Variants in CBL observed in about 807,000 individuals in gnomAD.
CBL encodes Cbl proto-oncogene.
In CBL, 45 loss-of-function variants were observed where a neutral mutation model predicts 96.9. That is an observed-to-expected ratio of 0.46 (90% confidence interval 0.37 to 0.60). CBL has a LOEUF of 0.60. Among genes scored for constraint, CBL ranks in the 20% least tolerant of loss-of-function variants. The probability of loss-of-function intolerance (pLI) is 0.00; values close to 1 mark genes in which losing one functional copy is unlikely to be tolerated. For synonymous variants in CBL, 420 were observed against 426.8 expected (o/e 0.98, Z 0.20); for missense variants, 1,024 against 1,143.5 (o/e 0.90, Z 1.51).
chr11:119,278,198 C>T lies in CBL; in HGVS notation c.1128C>T (p.Ser376=), dbSNP rs1949904381. ...EQYELYCEMG[S]TFQLCKICAE... The stretch of plus-strand genomic sequence containing the variant: ...ATGAATTATACTGTGAGATGGGCTC[C>T]ACATTCCAACTATGTAAAATATGTG... Residue 376 remains serine, a synonymous_variant, in exon 8 of 16, where the codon TCC becomes TCT. Transcript: ENST00000264033. 1.2e-6 allele frequency: 2 copies of T among 1,609,942 alleles called. No homozygotes were observed. Among genetic ancestry groups the T allele is most frequent in the African/African-American group, 2.7e-5 (2 of 74,766 alleles).
chr11:119,271,850 G>T lies in CBL; in HGVS notation c.559G>T (p.Ala187Ser). 9 of 1,614,072 alleles carry T rather than the reference G, an allele frequency of 5.6e-6. No homozygotes were observed. The highest frequency in any genetic ancestry group is 7.6e-6 in the Non-Finnish European group (9 of 1,179,966). The change falls in exon 3 of 16, where the codon GCG becomes TCG. Residue 187 changes from alanine (A) to serine (S), a missense_variant. Coordinates refer to ENST00000264033, the MANE Select transcript of CBL (RefSeq NM_005188.4). ...DTFRITKADA[A>S]EFWRKAFGEK... is the part of the protein sequence containing the mutation. ...ATTTCGGATTACTAAAGCAGATGCTGCGGAATTTTGGAGAAAAGCTTTTGG... is the reference window on the plus strand; with the variant it reads ...ATTTCGGATTACTAAAGCAGATGCTTCGGAATTTTGGAGAAAAGCTTTTGG...
rs1273169522 is a variant in CBL at position 119,306,158 on chromosome 11, G to A, written c.*6377G>A. On this transcript the variant is annotated 3_prime_UTR_variant, in exon 16 of 16. Transcript: ENST00000264033. The stretch of plus-strand genomic sequence containing the variant: ...AGCAAGCCCCGCATGTCCATGGCGA[G>A]TCAGGTGGGGAGCACGGGTGGAAGG... The A allele has an allele frequency of 7.5e-6, 3 of 397,708 alleles. No individual in the cohort carries two copies. Among genetic ancestry groups the A allele is most frequent in the African/African-American group, 4.1e-5 (2 of 48,644 alleles). 24.6% of individuals were successfully genotyped at this position (397,708 alleles called of 1,614,324 possible).
rs1950127465 is a variant in CBL at position 119,305,352 on chromosome 11, G to A, written c.*5571G>A. 1 of 231,802 alleles carries A rather than the reference G, an allele frequency of 4.3e-6. No homozygotes were observed. The highest frequency in any genetic ancestry group is 1.8e-4 in the South Asian group (1 of 5,522). The allele number at this position is 231,802 out of a possible 1,614,324, so 14.4% of individuals were successfully genotyped here. On this transcript the variant is annotated 3_prime_UTR_variant, in exon 16 of 16. Transcript: ENST00000264033. ...TTCCTTAGCCTCCATTCAGCCTCAG[G>A]TCTTTTGCCTTCTTCCGTGTTTATT... is the stretch of plus-strand genomic sequence containing the variant.
intron 12 of CBL, among the ~76,000 whole-genome samples, chr11:119,290,248 G>A (rs1344129488): frequency 6.6e-6 from 1 of 152,096 alleles, no homozygotes. Flanking sequence ...GTTTTGCCAT[G>A]TTGCCCAGGC....
chr11:119,247,942 A>G (rs747946727), intron 2 of CBL, among the ~76,000 whole-genome samples: 2 of 152,238 alleles, frequency 1.3e-5, no homozygotes, highest in African/African-American at 4.8e-5. Context: ...AGACTTGTAC[A>G]CTGGAAACTA....
intron 1 of CBL, among the ~76,000 whole-genome samples, chr11:119,225,049 G>GGTGTGTGT (rs143591231): frequency 6.7e-6 from 1 of 148,892 alleles, no homozygotes. Context: ...AACTCTTTGG[G>GGTGTGTGT]GTGTGTGTGT....
chr11:119,301,669 T>C lies in CBL; in HGVS notation c.*1888T>C, dbSNP rs1055737038. The C allele has an allele frequency of 6.0e-5, 14 of 233,134 alleles. No individual in the cohort carries two copies. The highest frequency in any genetic ancestry group is 8.5e-5 in the Non-Finnish European group (10 of 118,038). The allele number at this position is 233,134 out of a possible 1,614,324, so 14.4% of individuals were successfully genotyped here. The stretch of plus-strand genomic sequence containing the variant: ...AGAGTAGGCAGTACAGGATCTCGTG[T>C]TGATTTGCTGTGGTTACCCAGTGTC... On this transcript the variant is annotated 3_prime_UTR_variant, in exon 16 of 16. Coordinates refer to ENST00000264033, the MANE Select transcript of CBL (RefSeq NM_005188.4).
intron 2 of CBL, among the ~76,000 whole-genome samples, chr11:119,239,176 G>A (rs1384042600): frequency 6.6e-6 from 1 of 152,024 alleles, no homozygotes; most frequent in Non-Finnish European, 1.5e-5. Context: ...TCGTCGTGTT[G>A]CCCATGCCGG....
chr11:119,261,026 C>G (rs1316358497), intron 2 of CBL, among the ~76,000 whole-genome samples: 1 of 144,432 alleles, frequency 6.9e-6, no homozygotes, highest in Admixed American at 7.0e-5. Flanking sequence ...GATTCTGATG[C>G]CTCAGCTATC....
chr11:119,285,825 G>C (rs912840758), intron 11 of CBL, among the ~76,000 whole-genome samples: 11 of 152,036 alleles, frequency 7.2e-5, no homozygotes, highest in African/African-American at 2.7e-4. Flanking sequence ...GGGCCCAGGA[G>C]GCCAAGCTTT....
chr11:119,299,579 G>C lies in CBL; in HGVS notation c.2519G>C (p.Cys840Ser), dbSNP rs376536789. Residue 840 changes from cysteine (C) to serine (S), a missense_variant, in exon 16 of 16, where the codon TGT becomes TCT. By Grantham distance (112) the Cys-to-Ser change is moderately radical (BLOSUM62 -1). Around this residue, in one of 4 missense-constraint regions of CBL, gnomAD observed 695 missense variants for 661.6 expected, o/e 1.05. Transcript: ENST00000264033. ...RINSERKAGS[C>S]QQGSGPAASA... is the part of the protein sequence containing the mutation. ...AACTCTGAACGGAAAGCTGGCAGCT[G>C]TCAGCAAGGTAGTGGTCCTGCCGCC... 6.2e-7 allele frequency: 1 copy of C among 1,614,216 alleles called. No individual in the cohort carries two copies.
rs955219397 is a variant in CBL at position 119,301,093 on chromosome 11, T to C, written c.*1312T>C. The C allele has an allele frequency of 4.3e-6, 1 of 233,356 alleles. No homozygotes were observed. Among genetic ancestry groups the C allele is most frequent in the African/African-American group, 2.2e-5 (1 of 45,454 alleles). 14.5% of individuals were successfully genotyped at this position (233,356 alleles called of 1,614,324 possible). On this transcript the variant is annotated 3_prime_UTR_variant, in exon 16 of 16. Transcript: ENST00000264033. ...TCCCTGCATTGCTGCCTCCCGATGA[T>C]GTGGTTCTTTTCTTGTGCCTGTGGC...
At chr11:119,224,430 C>T (rs1271804316) in intron 1 of CBL, among the ~76,000 whole-genome samples, 1 of 152,078 alleles carries the variant, frequency 6.6e-6, no homozygotes, top group Non-Finnish European at 1.5e-5. Flanking sequence ...TCACACATAA[C>T]TTTTGACTCC....
intron 2 of CBL, among the ~76,000 whole-genome samples, chr11:119,237,073 C>T (rs897537984): frequency 6.6e-6 from 1 of 152,204 alleles, no homozygotes; most frequent in Non-Finnish European, 1.5e-5. Flanking sequence ...ACAGCATCTC[C>T]ATGCTGTATA....
intron 1 of CBL, among the ~76,000 whole-genome samples, chr11:119,231,468 T>C (rs768515828): frequency 5.3e-5 from 8 of 151,482 alleles, no homozygotes; most frequent in Non-Finnish European, 1.0e-4. Context: ...CCCAGCACTT[T>C]GGGAGGCTGA....
chr11:119,278,410 C>G, intron 8 of CBL, 100 bp from the exon 9 acceptor site: 1 of 1,547,948 alleles, frequency 6.5e-7, no homozygotes, highest in Non-Finnish European at 8.9e-7. Flanking sequence ...TAGGTTTAAA[C>G]TTTTACTTTT....
At chr11:119,263,061 A>G (rs562201315) in intron 2 of CBL, among the ~76,000 whole-genome samples, 1 of 152,336 alleles carries the variant, frequency 6.6e-6, no homozygotes, top group Non-Finnish European at 1.5e-5. Context: ...TGAGAATTAA[A>G]TGCACTTTAT....
chr11:119,228,255 C>T (rs1398517878), intron 1 of CBL, among the ~76,000 whole-genome samples: 1 of 152,088 alleles, frequency 6.6e-6, no homozygotes, highest in African/African-American at 2.4e-5. Flanking sequence ...CCACAGGTGC[C>T]CACCACCATG....
rs755204320 is a variant in CBL at position 119,232,690 on chromosome 11, G to T, written c.438G>T (p.Gln146His). The T allele has an allele frequency of 8.7e-6, 14 of 1,612,990 alleles. No individual in the cohort carries two copies. Among genetic ancestry groups the T allele is most frequent in the African/African-American group, 1.3e-5 (1 of 74,918 alleles). Residue 146 changes from glutamine (Q) to histidine (H), a missense_variant, in exon 2 of 16, where the codon CAG (glutamine) becomes CAT (histidine). Physicochemically the swap from Gln to His is conservative, Grantham distance 24. Around this residue, in one of 4 missense-constraint regions of CBL, gnomAD observed 192 missense variants for 321.8 expected, o/e 0.60. Coordinates refer to ENST00000264033, the MANE Select transcript of CBL (RefSeq NM_005188.4). ...AAAGAATGTATGAGGAGAATTCTCA[G>T]CCTAGGTAATGGAGAAATACTACAC... ...GKERMYEENS[Q>H]PRRNLTKLSL...
Sources: allele counts gnomAD v4.1 joint callset (sites outside exome capture counted in the v4.1 genomes callset), GRCh38; gene constraint gnomAD v4.1.1; regional missense constraint gnomAD v4.1.1; transcripts MANE v1.5; gene names NCBI Gene and HGNC (gene_info 2026-07-23, HGNC 2026-07-21).